The following NOS1AP variants were observed in gnomAD, a reference collection of about 807,000 sequenced individuals.
The protein encoded by NOS1AP is carboxyl-terminal PDZ ligand of neuronal nitric oxide synthase protein.
In NOS1AP, 21 loss-of-function variants were observed where a neutral mutation model predicts 56.2. That is an observed-to-expected ratio of 0.37 (90% CI 0.26 to 0.54). The LOEUF is 0.54. NOS1AP is among the 20% of genes least tolerant of loss of function. The probability of loss-of-function intolerance (pLI) is 0.84; values close to 1 mark genes in which losing one functional copy is unlikely to be tolerated. For missense variants in NOS1AP, 522 were observed against 657.8 expected, an observed-to-expected ratio of 0.79 and a Z score of 2.26; for synonymous variants, 270 against 274.6, an observed-to-expected ratio of 0.98 and a Z score of 0.17.
chr1:162,254,992 T>A (rs138424426), intron 2 of NOS1AP, among the ~76,000 whole-genome samples: 1 of 152,200 alleles, frequency 6.6e-6, no homozygotes, highest in African/African-American at 2.4e-5. Context: ...TGTGGTCCAT[T>A]TCAGTTTGGA....
chr1:162,114,202 G>A (rs1005846833), intron 1 of NOS1AP, among the ~76,000 whole-genome samples: 13 of 152,122 alleles, frequency 8.5e-5, no homozygotes, highest in African/African-American at 3.1e-4. Flanking sequence ...AGATCACCCT[G>A]TTTAGCTGGT....
At chr1:162,222,487 T>C (rs143784323) in intron 2 of NOS1AP, among the ~76,000 whole-genome samples, 18 of 152,324 alleles carry the variant, frequency 1.2e-4, no homozygotes, top group African/African-American at 4.3e-4. Context: ...TCTGAGGTTA[T>C]CTTCATTTGT....
intron 8 of NOS1AP, among the ~76,000 whole-genome samples, chr1:162,358,612 T>C (rs916177706): frequency 2.0e-5 from 3 of 152,206 alleles, no homozygotes; most frequent in Admixed American, 2.0e-4. Flanking sequence ...CTGTAGTTAA[T>C]GATGGCACAG....
intron 2 of NOS1AP, among the ~76,000 whole-genome samples, chr1:162,277,389 C>T (rs1439796290): frequency 6.6e-6 from 1 of 152,322 alleles, no homozygotes; most frequent in East Asian, 1.9e-4. Context: ...TTCAGTATCT[C>T]TCAAGAATTA....
At chr1:162,167,345 T>C (rs980874581) in intron 2 of NOS1AP, among the ~76,000 whole-genome samples, 1 of 152,256 alleles carries the variant, frequency 6.6e-6, no homozygotes, top group African/African-American at 2.4e-5. Context: ...AGTGTACATC[T>C]AGCCTTTCTC....
intron 1 of NOS1AP, among the ~76,000 whole-genome samples, chr1:162,080,233 A>G (rs1691854400): frequency 6.6e-6 from 1 of 152,172 alleles, no homozygotes; most frequent in Non-Finnish European, 1.5e-5. Flanking sequence ...AGTTATTTAA[A>G]ATGGCACTTC....
chr1:162,154,304 T>C (rs1367964690), intron 1 of NOS1AP, 101 bp from the exon 2 acceptor site: 1 of 973,250 alleles, frequency 1.0e-6, no homozygotes, highest in East Asian at 2.6e-5. Context: ...TCTTCATCTG[T>C]AAAATGGGCA....
Position 162,369,709 on chromosome 1 carries a change from T to C in NOS1AP, c.*2242T>C, listed in dbSNP as rs1397553254. 2.6e-5 allele frequency: 4 copies of C among 152,312 alleles called. No individual in the cohort carries two copies. The highest frequency in any genetic ancestry group is 4.8e-5 in the African/African-American group (2 of 41,460). The allele number at this position is 152,312 out of a possible 1,614,324, so 9.4% of individuals were successfully genotyped here. A position where few individuals can be genotyped will look rare whatever the true frequency, so the allele number is the denominator to read the frequency against. ...ATCCAAGACTCCTGCCCTTGGGGTG[T>C]TCCATGGTGGTTTCTTCCTGCCTGG... On this transcript the variant is annotated 3_prime_UTR_variant, in exon 10 of 10. Coordinates refer to ENST00000361897, the MANE Select transcript of NOS1AP (RefSeq NM_014697.3).
At chr1:162,149,744 A>G (rs977383848) in intron 1 of NOS1AP, among the ~76,000 whole-genome samples, 2 of 152,376 alleles carry the variant, frequency 1.3e-5, no homozygotes, top group Middle Eastern at 3.4e-3. Flanking sequence ...AGGTGCAGCT[A>G]TAGCGAAAAC....
chr1:162,269,761 AT>A (rs540947808), intron 2 of NOS1AP, among the ~76,000 whole-genome samples: 11 of 149,252 alleles, frequency 7.4e-5, no homozygotes, highest in East Asian at 3.9e-4. Flanking sequence ...TATAGATACC[AT>A]TTTTTTTTTC....
At chr1:162,275,415 T>C (rs1654704422) in intron 2 of NOS1AP, among the ~76,000 whole-genome samples, 1 of 152,192 alleles carries the variant, frequency 6.6e-6, no homozygotes, top group Non-Finnish European at 1.5e-5. Flanking sequence ...TGACCTCAGG[T>C]GATCTGCCTA....
intron 4 of NOS1AP, among the ~76,000 whole-genome samples, chr1:162,312,356 T>C (rs1169147828): frequency 4.9e-5 from 7 of 143,374 alleles, no homozygotes; most frequent in African/African-American, 1.6e-4. Flanking sequence ...TTTTTTCATG[T>C]GTTTTTTGGC....
chr1:162,156,295 C>G (rs949708711), intron 2 of NOS1AP, among the ~76,000 whole-genome samples: 1 of 152,114 alleles, frequency 6.6e-6, no homozygotes, highest in Non-Finnish European at 1.5e-5. Flanking sequence ...CCCTCATTTT[C>G]TAGATTAAAC....
intron 2 of NOS1AP, among the ~76,000 whole-genome samples, chr1:162,177,621 G>A (rs1651110962): frequency 6.6e-6 from 1 of 152,056 alleles, no homozygotes; most frequent in African/African-American, 2.4e-5. Context: ...TATTTATTTT[G>A]AAGTTTATAT....
At chr1:162,191,362 G>T (rs1651638987) in intron 2 of NOS1AP, among the ~76,000 whole-genome samples, 1 of 152,086 alleles carries the variant, frequency 6.6e-6, no homozygotes, top group Admixed American at 6.6e-5. Context: ...TTCTTTCCTG[G>T]GGGGGATCTT....
chr1:162,342,099 G>C (rs533070189), intron 5 of NOS1AP, among the ~76,000 whole-genome samples: 1 of 152,326 alleles, frequency 6.6e-6, no homozygotes, highest in South Asian at 2.1e-4. Context: ...GAAATTAAGG[G>C]TAGATGTAGA....
chr1:162,137,751 C>T (rs943218176), intron 1 of NOS1AP, among the ~76,000 whole-genome samples: 2 of 152,056 alleles, frequency 1.3e-5, no homozygotes, highest in African/African-American at 2.4e-5. Context: ...TATGCACATG[C>T]GTACACACAC....
chr1:162,213,218 C>T (rs904980450), intron 2 of NOS1AP, among the ~76,000 whole-genome samples: 7 of 152,148 alleles, frequency 4.6e-5, no homozygotes, highest in Admixed American at 4.6e-4. Flanking sequence ...TTGCTTTATT[C>T]CAATACATAT....
intron 2 of NOS1AP, among the ~76,000 whole-genome samples, chr1:162,194,472 G>A (rs1334388694): frequency 1.3e-5 from 2 of 152,128 alleles, no homozygotes; most frequent in South Asian, 2.1e-4. Flanking sequence ...GTGTTGAGAC[G>A]TTTTCTCAAA....
Sources: allele counts gnomAD v4.1 joint callset (sites outside exome capture counted in the v4.1 genomes callset), GRCh38; gene constraint gnomAD v4.1.1; transcripts MANE v1.5; gene names NCBI Gene and HGNC (gene_info 2026-07-23, HGNC 2026-07-21).